TRNP1: variants seen among roughly 807,000 people sequenced by gnomAD.
TRNP1 encodes the protein TMF1 regulated nuclear protein 1, also known as TMF-regulated nuclear protein 1.
Under a neutral mutation model 12.2 loss-of-function variants are expected in TRNP1, and 16 were observed. That is an observed-to-expected ratio of 1.31 (90% CI 0.89 to 1.99). The LOEUF is 1.99. Ranked by LOEUF, TRNP1 falls within the 30% of genes most tolerant of loss-of-function variation. TRNP1 has a pLI of 0.00. For synonymous variants in TRNP1, 139 were observed against 166.2 expected (o/e 0.84, Z 1.26); for missense variants, 338 against 330.4 (o/e 1.02, Z -0.18).
rs1035827461 is a variant in TRNP1 at position 26,994,545 on chromosome 1, G to C, written c.*75G>C. On this transcript the variant is annotated 3_prime_UTR_variant, in exon 1 of 2. Transcript: ENST00000522111. This position sits in a 1 kb window ranked among gnomAD's most constrained non-coding sequence, Gnocchi z 6.9. ...GACCGACCGACTGATCGCGGACGCC[G>C]GCTGGAAGGACTACGGATCCGCAGG... The C allele has an allele frequency of 3.8e-6, 4 of 1,039,232 alleles. No homozygotes were observed. Among genetic ancestry groups the C allele is most frequent in the Non-Finnish European group, 4.7e-6 (4 of 854,110 alleles). 64.4% of individuals were successfully genotyped at this position (1,039,232 alleles called of 1,614,324 possible). A position where few individuals can be genotyped will look rare whatever the true frequency, so the allele number is the denominator to read the frequency against.
At position 26,993,768 on chromosome 1, in the gene TRNP1, C is replaced by A; in HGVS notation, c.-19C>A. 2.4e-6 allele frequency: 3 copies of A among 1,275,284 alleles called. No homozygotes were observed. Among genetic ancestry groups the A allele is most frequent in the Non-Finnish European group, 2.9e-6 (3 of 1,017,454 alleles). 79.0% of individuals were successfully genotyped at this position (1,275,284 alleles called of 1,614,324 possible). On this transcript the variant is annotated 5_prime_UTR_variant, in exon 1 of 2. Coordinates refer to ENST00000522111, the MANE Select transcript of TRNP1 (RefSeq NM_001013642.3). Reference sequence around the variant, plus strand: ...TCCCTGCGCACCTACAGCCGCAGACCGCCGGTGGGGGGCGGGGGATGCCGG... The same window carrying A: ...TCCCTGCGCACCTACAGCCGCAGACAGCCGGTGGGGGGCGGGGGATGCCGG...
Position 26,994,463 on chromosome 1 carries a change from A to G in TRNP1, c.677A>G (p.Gln226Arg). The G allele has an allele frequency of 1.7e-6, 2 of 1,174,334 alleles. No individual in the cohort carries two copies. 72.7% of individuals were successfully genotyped at this position (1,174,334 alleles called of 1,614,324 possible). ...CCGCCCCGCGGCCCCGCCTCCCCGC[A>G]GCGCTGACCTCCACGCCCGGACCCC... is the stretch of plus-strand genomic sequence containing the variant. ...RSPPRGPASP[Q>R]R Residue 226 changes from glutamine to arginine, a missense_variant, in exon 1 of 2, where the codon CAG (glutamine) becomes CGG (arginine). Transcript: ENST00000522111. The surrounding 1 kb of genome is among the most constrained non-coding windows in gnomAD (Gnocchi z 6.9).
intron 1 of TRNP1, among the ~76,000 whole-genome samples, chr1:26,997,816 G>A (rs138286934): frequency 4.0e-4 from 61 of 152,292 alleles, no homozygotes; most frequent in African/African-American, 1.4e-3. Flanking sequence ...TGCCACCAGA[G>A]GGCAGTGTGG....
Position 26,994,181 on chromosome 1 carries a change from G to T in TRNP1, c.395G>T (p.Arg132Leu). ...GAGAGCCGCGTGCTGCAGCTGCACC[G>T]CGTTTTCTTGGCGGCCGAGCTGCGC... ...ELESRVLQLH[R>L]VFLAAELRLA... is the part of the protein sequence containing the mutation. The change falls in exon 1 of 2, where the codon CGC becomes CTC. Residue 132 changes from arginine (R) to leucine (L), a missense_variant. By Grantham distance (102) the Arg-to-Leu change is moderately radical. Transcript: ENST00000522111. The surrounding 1 kb of genome is among the most constrained non-coding windows in gnomAD (Gnocchi z 6.9). The T allele has an allele frequency of 7.7e-7, 1 of 1,299,704 alleles. No homozygotes were observed. The highest frequency in any genetic ancestry group is 9.8e-7 in the Non-Finnish European group (1 of 1,019,174). 80.5% of individuals were successfully genotyped at this position (1,299,704 alleles called of 1,614,324 possible).
rs917811953 is a variant in TRNP1, at chr1:26,994,428, C to T, written c.642C>T (p.Phe214=). The T allele has an allele frequency of 3.4e-6, 4 of 1,173,954 alleles. No homozygotes were observed. Among genetic ancestry groups the T allele is most frequent in the South Asian group, 8.4e-5 (2 of 23,806 alleles). The allele number at this position is 1,173,954 out of a possible 1,614,324, so 72.7% of individuals were successfully genotyped here. The part of the protein sequence containing the change: ...RGHGPEPDSP[F]RRSPPRGPAS... Reference sequence around the variant, plus strand: ...ACGGCCCCGAGCCCGACTCGCCCTTCCGCCGCAGCCCGCCCCGCGGCCCCG... The same window carrying T: ...ACGGCCCCGAGCCCGACTCGCCCTTTCGCCGCAGCCCGCCCCGCGGCCCCG... Residue 214 remains phenylalanine (F), a synonymous_variant, in exon 1 of 2, where the codon TTC becomes TTT. Transcript: ENST00000522111. This position sits in a 1 kb window ranked among gnomAD's most constrained non-coding sequence, Gnocchi z 6.9.
chr1:26,997,673 A>G (rs755123573), intron 1 of TRNP1, among the ~76,000 whole-genome samples: 18 of 152,184 alleles, frequency 1.2e-4, no homozygotes, highest in African/African-American at 2.7e-4. Context: ...ACGGCCACCA[A>G]TGAATTTATA....
Position 26,994,416 on chromosome 1 carries a change from C to A in TRNP1, c.630C>A (p.Pro210=). 1 of 1,162,738 alleles carries A rather than the reference C, an allele frequency of 8.6e-7. No homozygotes were observed. The highest frequency in any genetic ancestry group is 4.2e-5 in the South Asian group (1 of 23,712). The allele number at this position is 1,162,738 out of a possible 1,614,324, so 72.0% of individuals were successfully genotyped here. A position where few individuals can be genotyped will look rare whatever the true frequency, so the allele number is the denominator to read the frequency against. The part of the protein sequence containing the change: ...GRLRRGHGPE[P]DSPFRRSPPR... The stretch of plus-strand genomic sequence containing the variant: ...TGCGGCGCGGCCACGGCCCCGAGCC[C>A]GACTCGCCCTTCCGCCGCAGCCCGC... Residue 210 remains proline, a synonymous_variant, in exon 1 of 2, where the codon CCC becomes CCA. Coordinates refer to ENST00000522111, the MANE Select transcript of TRNP1 (RefSeq NM_001013642.3). The surrounding 1 kb of genome is among the most constrained non-coding windows in gnomAD (Gnocchi z 6.9).
In TRNP1 at chr1:26,994,312, G is replaced by C. The variant is rs2082533986; in HGVS notation, c.526G>C (p.Gly176Arg). Residue 176 changes from glycine to arginine, a missense_variant, in exon 1 of 2, where the codon GGC becomes CGC. By Grantham distance (125) the Gly-to-Arg change is moderately radical. Coordinates refer to ENST00000522111, the MANE Select transcript of TRNP1 (RefSeq NM_001013642.3). The surrounding 1 kb of genome is among the most constrained non-coding windows in gnomAD (Gnocchi z 6.9). ...GCGCCTCAAGAAGGGCCCGCGCCGC[G>C]GCCGCCGCGGCCGACCCCCCGCGCT... ...GSRLKKGPRR[G>R]RRGRPPALLA... is the part of the protein sequence containing the mutation. 4 of 1,122,572 alleles carry C rather than the reference G, an allele frequency of 3.6e-6. No homozygotes were observed. The African/African-American group carries it at 5.0e-5, about 14-fold the overall frequency. The allele number at this position is 1,122,572 out of a possible 1,614,324, so 69.5% of individuals were successfully genotyped here.
intron 1 of TRNP1, among the ~76,000 whole-genome samples, chr1:26,996,277 G>T (rs772350311): frequency 6.6e-6 from 1 of 152,256 alleles, no homozygotes; most frequent in Non-Finnish European, 1.5e-5. Context: ...CAGGTGCACT[G>T]CTCTGATAGG....
chr1:26,996,365 G>A (rs148877501), intron 1 of TRNP1, among the ~76,000 whole-genome samples: 149 of 152,298 alleles, frequency 9.8e-4, no homozygotes, highest in South Asian at 1.7e-3. Context: ...CTGGTTTCTC[G>A]GCTAACAGCA....
intron 1 of TRNP1, 114 bp from the exon 2 acceptor site, chr1:26,999,733 T>A (rs1053709607): frequency 6.6e-6 from 1 of 152,260 alleles, no homozygotes; most frequent in African/African-American, 2.4e-5. Flanking sequence ...CTCCTGCATC[T>A]TCTCTCCACA....
At chr1:26,997,340 A>T (rs988778204) in intron 1 of TRNP1, among the ~76,000 whole-genome samples, 10 of 142,348 alleles carry the variant, frequency 7.0e-5, no homozygotes, top group African/African-American at 2.1e-4. Context: ...AAAAAAAAAA[A>T]GCTCACCCGT....
intron 1 of TRNP1, among the ~76,000 whole-genome samples, chr1:26,998,853 G>A (rs2082558349): frequency 6.6e-6 from 1 of 152,222 alleles, no homozygotes; most frequent in South Asian, 2.1e-4. Flanking sequence ...AAAGACATAG[G>A]AGCTATAAGT....
rs914932110 is a variant in TRNP1, at chr1:27,000,385, T to C, written c.*681T>C. On this transcript the variant is annotated 3_prime_UTR_variant, in exon 2 of 2. Coordinates refer to ENST00000522111, the MANE Select transcript of TRNP1 (RefSeq NM_001013642.3). ...CTTGTTCTCCACGTGGGAGTGTGCT[T>C]GTGGCCCCTCAGAAAGATAGTCTGC... The C allele has an allele frequency of 6.6e-6, 1 of 152,494 alleles. No homozygotes were observed. Among genetic ancestry groups the C allele is most frequent in the Non-Finnish European group, 1.5e-5 (1 of 68,036 alleles). The allele number at this position is 152,494 out of a possible 1,614,324, so 9.4% of individuals were successfully genotyped here.
chr1:26,997,703 G>C (rs748456107), intron 1 of TRNP1, among the ~76,000 whole-genome samples: 1 of 152,182 alleles, frequency 6.6e-6, no homozygotes, highest in African/African-American at 2.4e-5. Flanking sequence ...AGGGAAATGA[G>C]GGGGGAACAG....
chr1:26,999,542 C>T (rs2082562232), intron 1 of TRNP1, among the ~76,000 whole-genome samples: 1 of 152,104 alleles, frequency 6.6e-6, no homozygotes, highest in Non-Finnish European at 1.5e-5. Context: ...TCTAGAGCAT[C>T]ACCATATCAG....
intron 1 of TRNP1, among the ~76,000 whole-genome samples, chr1:26,998,262 T>A (rs1252468069): frequency 2.0e-5 from 3 of 152,148 alleles, no homozygotes; most frequent in Admixed American, 1.3e-4. Flanking sequence ...TTGGTTGGGC[T>A]GAGCCTGGAA....
intron 1 of TRNP1, among the ~76,000 whole-genome samples, chr1:26,996,512 C>A (rs1237201970): frequency 6.6e-6 from 1 of 152,198 alleles, no homozygotes; most frequent in Non-Finnish European, 1.5e-5. Context: ...ACAGGGAACA[C>A]CTTCCAAAGC....
At position 26,994,618 on chromosome 1, in the gene TRNP1, G is replaced by T; in HGVS notation, c.*142+6G>T. ...GCCCAGTAGAGGAGGCTGAGGTGCG[G>T]TCTTAGCGGCTGGTGCGTTCGAGGG... On this transcript the variant is annotated splice_donor_region_variant and intron_variant, in intron 1 of 1. Coordinates refer to ENST00000522111, the MANE Select transcript of TRNP1 (RefSeq NM_001013642.3). The surrounding 1 kb of genome is among the most constrained non-coding windows in gnomAD (Gnocchi z 6.9). The T allele has an allele frequency of 1.9e-6, 1 of 538,462 alleles. No homozygotes were observed. Among genetic ancestry groups the T allele is most frequent in the Non-Finnish European group, 2.5e-6 (1 of 405,652 alleles). The allele number at this position is 538,462 out of a possible 1,614,324, so 33.4% of individuals were successfully genotyped here.
Sources: gnomAD v4.1 joint callset for allele counts (sites outside exome capture counted in the v4.1 genomes callset) on GRCh38, gnomAD v4.1.1 for gene constraint, Gnocchi (gnomAD v3.1) non-coding constraint, MANE v1.5 for transcripts, NCBI Gene and HGNC (gene_info 2026-07-23, HGNC 2026-07-21) for gene names.